Variants in AKT2 observed in about 807,000 individuals in gnomAD.
AKT2 encodes the protein AKT serine/threonine kinase 2, also known as RAC-beta serine/threonine-protein kinase.
Under a neutral mutation model 58.6 loss-of-function variants are expected in AKT2, and 16 were observed. The ratio of observed to expected loss-of-function variants is 0.27; its 90% CI spans 0.18 to 0.41. The LOEUF (loss-of-function observed/expected upper bound fraction) is 0.41. Among genes scored for constraint, AKT2 ranks in the 10% least tolerant of loss-of-function variants. The pLI is 1.00. For missense variants in AKT2, 438 were observed against 661.0 expected (o/e 0.66, Z 3.70); for synonymous variants, 253 against 254.0 (o/e 1.00, Z 0.04).
intron 1 of AKT2, chr19:40,268,826 CAAG>C (rs1976535067): frequency 6.6e-6 from 1 of 152,488 alleles, no homozygotes. Flanking sequence ...CCACTGCAGC[CAAG>C]AAGATGGCTG....
chr19:40,262,080 G>C (rs2145342288), intron 2 of AKT2, among the ~76,000 whole-genome samples: 1 of 151,994 alleles, frequency 6.6e-6, no homozygotes, highest in East Asian at 1.9e-4. Context: ...GCATTTATCT[G>C]TGGCCTTTCA....
chr19:40,273,017 C>A (rs2077242900), intron 1 of AKT2, among the ~76,000 whole-genome samples: 1 of 152,136 alleles, frequency 6.6e-6, no homozygotes, highest in Non-Finnish European at 1.5e-5. Context: ...CCCAAAAGAG[C>A]CTGTAAGAGC....
At chr19:40,248,529 C>T (rs985452575) in intron 4 of AKT2, among the ~76,000 whole-genome samples, 1 of 152,244 alleles carries the variant, frequency 6.6e-6, no homozygotes, top group African/African-American at 2.4e-5. Flanking sequence ...TGGCCATCCC[C>T]AGTGCCTAGA....
chr19:40,277,595 C>T (rs982238735), intron 1 of AKT2, among the ~76,000 whole-genome samples: 1 of 152,204 alleles, frequency 6.6e-6, no homozygotes, highest in South Asian at 2.1e-4. Context: ...CCCCCGGCTC[C>T]AGCTACATGG....
At position 40,234,798 on chromosome 19, in the gene AKT2, G is replaced by A; in HGVS notation, c.1366+247C>T. On this transcript the variant is annotated intron_variant, in intron 13 of 13. Transcript: ENST00000392038. This position sits in a 1 kb window ranked among gnomAD's most constrained non-coding sequence, Gnocchi z 4.7. The stretch of plus-strand genomic sequence containing the variant: ...AGCAGTGAACCCAGCCAGGCTCAGG[G>A]ACCGGGCTGCCTCCTGCCCTGAGCC... 2 of 621,702 alleles carry A rather than the reference G, an allele frequency of 3.2e-6. No homozygotes were observed. Among genetic ancestry groups the A allele is most frequent in the South Asian group, 3.8e-5 (2 of 52,760 alleles). The allele number at this position is 621,702 out of a possible 1,614,324, so 38.5% of individuals were successfully genotyped here. A position where few individuals can be genotyped will look rare whatever the true frequency, so the allele number is the denominator to read the frequency against.
intron 4 of AKT2, among the ~76,000 whole-genome samples, chr19:40,248,603 G>A (rs903031031): frequency 1.3e-5 from 2 of 152,250 alleles, no homozygotes; most frequent in African/African-American, 4.8e-5. Context: ...GGGATTGGGA[G>A]GGAAAGGAAC....
chr19:40,258,256 A>G (rs990609741), intron 2 of AKT2, among the ~76,000 whole-genome samples: 1 of 150,932 alleles, frequency 6.6e-6, no homozygotes. Context: ...AAAAAAAAAA[A>G]AAAAAAACAA....
intron 3 of AKT2, among the ~76,000 whole-genome samples, chr19:40,256,537 G>T (rs890838056): frequency 1.3e-5 from 2 of 152,220 alleles, no homozygotes; most frequent in African/African-American, 4.8e-5. Context: ...CCAGCCCTGT[G>T]ACCAGCTGAG....
At chr19:40,251,675 C>T (rs1975165313) in intron 4 of AKT2, among the ~76,000 whole-genome samples, 1 of 152,060 alleles carries the variant, frequency 6.6e-6, no homozygotes, top group Admixed American at 6.5e-5. Context: ...GGTTTTAAAA[C>T]AATGTTCTAA....
chr19:40,274,245 GC>G (rs1369108031), intron 1 of AKT2: 2 of 152,584 alleles, frequency 1.3e-5, no homozygotes, highest in African/African-American at 2.4e-5. Context: ...GTCTGTCCTA[GC>G]CCCCACTGTG....
At chr19:40,270,123 G>A (rs983830707) in intron 1 of AKT2, among the ~76,000 whole-genome samples, 12 of 152,156 alleles carry the variant, frequency 7.9e-5, no homozygotes, top group African/African-American at 2.7e-4. Context: ...CTCTGCTCAC[G>A]TCCCTTTCTT....
At chr19:40,264,413 A>G (rs1421346481) in intron 2 of AKT2, among the ~76,000 whole-genome samples, 3 of 152,312 alleles carry the variant, frequency 2.0e-5, no homozygotes, top group South Asian at 2.1e-4. Context: ...CAGGCCACGC[A>G]TCGGCTCACG....
At position 40,238,169 on chromosome 19, in the gene AKT2, C is replaced by G. The variant is rs1013353069; in HGVS notation, c.709-78G>C. 8.5e-6 allele frequency: 13 copies of G among 1,533,296 alleles called. No homozygotes were observed. Among genetic ancestry groups the G allele is most frequent in the South Asian group, 2.4e-5 (2 of 83,486 alleles). 95.0% of individuals were successfully genotyped at this position (1,533,296 alleles called of 1,614,324 possible). On this transcript the variant is annotated intron_variant, in intron 8 of 13. Transcript: ENST00000392038. This position sits in a 1 kb window ranked among gnomAD's most constrained non-coding sequence, Gnocchi z 5.1. ...CCCTCACCTTCCCAGCCCCCTGCCC[C>G]AGCGCAGTGATGTGGTGACACCTGT...
chr19:40,240,651 T>C, intron 6 of AKT2: 1 of 302,204 alleles, frequency 3.3e-6, no homozygotes, highest in East Asian at 8.7e-5. Flanking sequence ...TCTAATTTGG[T>C]ACCTGACTGT....
Position 40,235,011 on chromosome 19 carries a change from C to T in AKT2, c.1366+34G>A, listed in dbSNP as rs189834141. On this transcript the variant is annotated intron_variant, in intron 13 of 13. Coordinates refer to ENST00000392038, the MANE Select transcript of AKT2 (RefSeq NM_001626.6). The surrounding 1 kb of genome is among the most constrained non-coding windows in gnomAD (Gnocchi z 6.3). ...AGATCCCATCCCTCCACCCCTGGGG[C>T]AGGCACACCAGCGCGGGGGCCCCAG... 688 of 1,573,792 alleles carry T rather than the reference C, an allele frequency of 4.4e-4. 7 individuals carry two copies. In the African/African-American group the frequency reaches 8.5e-3, roughly 19 times the overall value.
At chr19:40,277,606 G>GC (rs1600113237) in intron 1 of AKT2, among the ~76,000 whole-genome samples, 1 of 152,150 alleles carries the variant, frequency 6.6e-6, no homozygotes, top group East Asian at 1.9e-4. Context: ...AGCTACATGG[G>GC]CCTGCTGTTC....
In AKT2 at chr19:40,232,615, C is replaced by T. The variant is rs1241409479; in HGVS notation, c.*1257G>A. 4.3e-6 allele frequency: 1 copy of T among 233,202 alleles called. No homozygotes were observed. Among genetic ancestry groups the T allele is most frequent in the Non-Finnish European group, 8.5e-6 (1 of 118,140 alleles). The allele number at this position is 233,202 out of a possible 1,614,324, so 14.4% of individuals were successfully genotyped here. On this transcript the variant is annotated 3_prime_UTR_variant, in exon 14 of 14. Transcript: ENST00000392038. ...CAGCTCATGGATCACAGTGGGGCTC[C>T]TCCCACTAGGTCAGCACCCCTCCCC...
intron 1 of AKT2, 35 bp downstream of exon 1, chr19:40,285,146 G>A (rs2077492501): frequency 5.1e-6 from 2 of 392,806 alleles, no homozygotes; most frequent in Admixed American, 4.4e-5. Context: ...ACCATCGTGG[G>A]GGGGGCGTTC....
rs566337384 is a variant in AKT2 at position 40,246,802 on chromosome 19, C to T, written c.288-4115G>A. On this transcript the variant is annotated intron_variant, in intron 4 of 13. Transcript: ENST00000392038. ...GGGAATCAGGAGCACAGGCCCTGGA[C>T]CCACCCCAGCTGGGGCTCCAAGAGT... 7.9e-5 allele frequency among the ~76,000 whole-genome samples: 12 copies of T among 152,354 alleles called. No homozygotes were observed. In the South Asian group the frequency reaches 2.1e-3, roughly 26 times the overall value.
Sources: gnomAD v4.1 joint callset for allele counts (sites outside exome capture counted in the v4.1 genomes callset) on GRCh38, gnomAD v4.1.1 for gene constraint, Gnocchi (gnomAD v3.1) non-coding constraint, MANE v1.5 for transcripts, NCBI Gene and HGNC (gene_info 2026-07-23, HGNC 2026-07-21) for gene names.